Variants in FGF13 observed in about 807,000 individuals in gnomAD.
The protein encoded by FGF13 is fibroblast growth factor 13.
A neutral mutation model predicts 19.5 loss-of-function variants in FGF13; 2 were observed. That is an observed-to-expected ratio of 0.10 (90% CI 0.04 to 0.32). FGF13 has a LOEUF of 0.32. FGF13 is among the 10% of genes least tolerant of loss of function. The pLI, the probability that FGF13 is intolerant of heterozygous loss-of-function variation, is 1.00. For missense variants in FGF13, 113 were observed against 192.7 expected, an observed-to-expected ratio of 0.59 and a Z score of 2.45; for synonymous variants, 72 against 76.9, an observed-to-expected ratio of 0.94 and a Z score of 0.33.
intron 1 of FGF13, among the ~76,000 whole-genome samples, chrX:138,929,265 GTCTC>G (rs1556301167): frequency 4.3e-4 from 47 of 108,125 alleles, no homozygotes; most frequent in African/African-American, 1.5e-3. Context: ...GTGTGTGTGT[GTCTC>G]TCTGTGTGTG....
chrX:138,992,446 A>C (rs912748709), intron 1 of FGF13, among the ~76,000 whole-genome samples: 1 of 111,158 alleles, frequency 9.0e-6, no homozygotes, highest in African/African-American at 3.3e-5. Context: ...AGAGGAAATC[A>C]CCCATATTTT....
downstream of FGF13, among the ~76,000 whole-genome samples, chrX:138,856,282 C>T (rs2091257448): frequency 9.0e-6 from 1 of 111,241 alleles, no homozygotes; most frequent in African/African-American, 3.3e-5. Context: ...CTGAATTAAA[C>T]ACAGATACAT....
rs368596624 is a variant in FGF13, at chrX:138,754,917, C to T, written c.218-45989G>A. ...ACGTCCTGTGTGATTGCACTGGGAG[C>T]GGACTCTTGGAAGTCTGTGTGTAGT... On this transcript the variant is annotated intron_variant, in intron 3 of 6. Transcript: ENST00000436198. Among the ~76,000 whole-genome samples, 362 of 111,182 alleles carry T rather than the reference C, an allele frequency of 3.3e-3. 2 individuals are homozygous for T. Among genetic ancestry groups the T allele is most frequent in the African/African-American group, 0.011 (340 of 30,546 alleles).
intron 1 of FGF13, among the ~76,000 whole-genome samples, chrX:139,035,244 T>C (rs991211743): frequency 4.5e-5 from 5 of 111,570 alleles, no homozygotes; most frequent in Non-Finnish European, 7.5e-5. Context: ...CATCCGGTAC[T>C]GTATAACTGT....
chrX:138,667,842 G>A (rs747727101), intron 3 of FGF13: 2 of 291,723 alleles, frequency 6.9e-6, no homozygotes, highest in Non-Finnish European at 1.4e-5. Context: ...GTGATTCTAT[G>A]TGGGAAATGG....
intron 1 of FGF13, among the ~76,000 whole-genome samples, chrX:138,895,238 A>G (rs2091498416): frequency 8.9e-6 from 1 of 112,149 alleles, no homozygotes; most frequent in Non-Finnish European, 1.9e-5. Context: ...TAATTATTAC[A>G]CCAATCAAAT....
chrX:138,781,154 C>T (rs752218487), intron 3 of FGF13, among the ~76,000 whole-genome samples: 63 of 110,971 alleles, frequency 5.7e-4, no homozygotes, highest in African/African-American at 9.2e-4. Flanking sequence ...ATCTCTGGGA[C>T]GCATTCAAAG....
intron 3 of FGF13, among the ~76,000 whole-genome samples, chrX:138,818,767 A>G (rs1048140183): frequency 1.8e-5 from 2 of 110,615 alleles, no homozygotes; most frequent in African/African-American, 3.3e-5. Flanking sequence ...GAGGGCTGTC[A>G]TTTTTTTTCT....
intron 1 of FGF13, among the ~76,000 whole-genome samples, chrX:138,721,749 A>G (rs1428865635): frequency 9.1e-6 from 1 of 110,079 alleles, no homozygotes; most frequent in Non-Finnish European, 1.9e-5. Flanking sequence ...TATATTATAC[A>G]ATAATATTTT....
chrX:138,748,867 T>A (rs959401899), intron 3 of FGF13, among the ~76,000 whole-genome samples: 2 of 111,636 alleles, frequency 1.8e-5, no homozygotes, highest in Admixed American at 9.5e-5. Flanking sequence ...AAATATTTTT[T>A]AAAAAAATGG....
chrX:138,880,029 C>A (rs1182084591), intron 1 of FGF13, among the ~76,000 whole-genome samples: 1 of 112,040 alleles, frequency 8.9e-6, no homozygotes, highest in African/African-American at 3.2e-5. Flanking sequence ...AGGATATAAA[C>A]AGACACTTCT....
intron 1 of FGF13, among the ~76,000 whole-genome samples, chrX:138,932,703 AGT>A (rs57793547): frequency 0.024 from 2,147 of 90,180 alleles, 23 homozygotes; most frequent in African/African-American, 0.028. Context: ...TCAGGAGTGT[AGT>A]GTGTGTGTGT....
chrX:138,890,570 T>C (rs1189922368), intron 1 of FGF13, among the ~76,000 whole-genome samples: 1 of 111,817 alleles, frequency 8.9e-6, no homozygotes, highest in Admixed American at 9.5e-5. Context: ...GTGAGGAAGG[T>C]ACTATTATTA....
chrX:138,665,679 G>C (rs1267935678), intron 3 of FGF13, among the ~76,000 whole-genome samples: 2 of 110,997 alleles, frequency 1.8e-5, no homozygotes, highest in African/African-American at 6.5e-5. Context: ...TCAGTATTCT[G>C]TAAGTGCTTG....
intron 1 of FGF13, among the ~76,000 whole-genome samples, chrX:138,869,451 A>G (rs1490362498): frequency 8.9e-6 from 1 of 112,574 alleles, no homozygotes; most frequent in Admixed American, 9.4e-5. Flanking sequence ...AAGCTCTTCC[A>G]ATTGATCAAG....
intron 3 of FGF13, among the ~76,000 whole-genome samples, chrX:138,766,954 C>T (rs748707138): frequency 8.9e-6 from 1 of 111,996 alleles, no homozygotes; most frequent in Admixed American, 9.5e-5. Flanking sequence ...CTTTGTCAAC[C>T]TTGTCAACGA....
chrX:138,874,795 T>A (rs778939376), intron 1 of FGF13, among the ~76,000 whole-genome samples: 1 of 111,835 alleles, frequency 8.9e-6, no homozygotes, highest in East Asian at 2.8e-4. Flanking sequence ...GTTCTCTTTT[T>A]GATATCTATA....
At chrX:138,949,239 T>C (rs2091797753) in intron 1 of FGF13, among the ~76,000 whole-genome samples, 1 of 112,242 alleles carries the variant, frequency 8.9e-6, no homozygotes, top group Non-Finnish European at 1.9e-5. Context: ...CTGGGTAACA[T>C]AAAACAACAG....
chrX:138,734,938 G>A (rs947428450), intron 1 of FGF13, among the ~76,000 whole-genome samples: 8 of 111,598 alleles, frequency 7.2e-5, no homozygotes, highest in African/African-American at 2.6e-4. Flanking sequence ...ATTGGCTGAA[G>A]TAGTTCTTGT....
Sources: gnomAD v4.1 joint callset for allele counts (sites outside exome capture counted in the v4.1 genomes callset) on GRCh38, gnomAD v4.1.1 for gene constraint, MANE v1.5 for transcripts, NCBI Gene and HGNC (gene_info 2026-07-23, HGNC 2026-07-21) for gene names.